PIK3R1: variants seen among roughly 807,000 people sequenced by gnomAD.
PIK3R1 encodes phosphatidylinositol 3-kinase regulatory subunit alpha.
A neutral mutation model predicts 98.0 loss-of-function variants in PIK3R1; 29 were observed. That is an observed-to-expected ratio of 0.30 (90% CI 0.22 to 0.40). The LOEUF is 0.40. Among genes scored for constraint, PIK3R1 ranks in the 10% least tolerant of loss-of-function variants. The pLI is 1.00. For missense variants in PIK3R1, 596 were observed against 872.7 expected, an observed-to-expected ratio of 0.68 and a Z score of 3.99; for synonymous variants, 282 against 311.8, an observed-to-expected ratio of 0.90 and a Z score of 1.01.
chr5:68,273,168 A>G (rs964323156), intron 2 of PIK3R1, among the ~76,000 whole-genome samples: 6 of 152,190 alleles, frequency 3.9e-5, no homozygotes, highest in Non-Finnish European at 8.8e-5. Flanking sequence ...GGGAAAGGCC[A>G]TAAGAGGCCA....
intron 2 of PIK3R1, among the ~76,000 whole-genome samples, chr5:68,252,118 G>A (rs905574080): frequency 1.3e-5 from 2 of 152,160 alleles, no homozygotes; most frequent in Admixed American, 6.5e-5. Flanking sequence ...GATGAAAAAG[G>A]TTGGCCCCTT....
chr5:68,252,008 ACTTGCTGTCTTAAGAC>A (rs1355301143), intron 2 of PIK3R1, among the ~76,000 whole-genome samples: 2 of 152,138 alleles, frequency 1.3e-5, no homozygotes, highest in African/African-American at 4.8e-5. Flanking sequence ...AGAATTCACT[ACTTGCTGTCTTAAGAC>A]CTTTCTGTCT....
At position 68,294,472 on chromosome 5, in the gene PIK3R1, TGTCTTGCA is replaced by T. The variant is rs1747575542; in HGVS notation, c.1426-61_1426-54del. On this transcript the variant is annotated intron_variant, in intron 11 of 15. Transcript: ENST00000521381. ...TAATACAGATCAAATGTCCTGGTAG[TGTCTTGCA>T]GTAAGAGATTGTTCTATGAAAGGTA... The T allele has an allele frequency of 9.9e-6, 12 of 1,213,842 alleles. No individual in the cohort carries two copies. In the South Asian group the frequency reaches 1.8e-4, roughly 18 times the overall value. The allele number at this position is 1,213,842 out of a possible 1,614,324, so 75.2% of individuals were successfully genotyped here. A position where few individuals can be genotyped will look rare whatever the true frequency, so the allele number is the denominator to read the frequency against.
intron 2 of PIK3R1, among the ~76,000 whole-genome samples, chr5:68,242,877 C>T (rs1041228575): frequency 2.6e-5 from 4 of 152,086 alleles, no homozygotes; most frequent in Non-Finnish European, 2.9e-5. Flanking sequence ...TGGATCTAAG[C>T]GGGAATAAAA....
chr5:68,253,722 A>C (rs890686671), intron 2 of PIK3R1, among the ~76,000 whole-genome samples: 3 of 152,222 alleles, frequency 2.0e-5, no homozygotes, highest in Non-Finnish European at 2.9e-5. Context: ...GCAAGTATCT[A>C]CTATGAGCTT....
intron 2 of PIK3R1, among the ~76,000 whole-genome samples, chr5:68,248,643 A>G (rs1745191621): frequency 6.6e-6 from 1 of 152,192 alleles, no homozygotes; most frequent in Non-Finnish European, 1.5e-5. Context: ...TGTTGGCATG[A>G]CATGTTTGGT....
intron 7 of PIK3R1, among the ~76,000 whole-genome samples, chr5:68,282,678 C>G (rs1048723811): frequency 2.6e-5 from 4 of 152,122 alleles, no homozygotes; most frequent in Non-Finnish European, 5.9e-5. Context: ...ATAATGCCAC[C>G]CGGAAAGCTG....
chr5:68,249,382 T>C (rs1440204138), intron 2 of PIK3R1, among the ~76,000 whole-genome samples: 1 of 152,218 alleles, frequency 6.6e-6, no homozygotes, highest in Non-Finnish European at 1.5e-5. Context: ...TTCTATATCA[T>C]GGTATCTCTT....
chr5:68,218,681 G>T (rs7701498), intron 1 of PIK3R1, among the ~76,000 whole-genome samples: 1 of 151,976 alleles, frequency 6.6e-6, no homozygotes, highest in Non-Finnish European at 1.5e-5. Context: ...ATTCTCTCAC[G>T]TCAAGGCATA....
intron 8 of PIK3R1, chr5:68,292,598 G>A (rs574191479): frequency 6.8e-7 from 1 of 1,465,176 alleles, no homozygotes; most frequent in Admixed American, 2.1e-5. Context: ...TGAAGTGCCA[G>A]AGTGAAGTGG....
chr5:68,271,011 G>A (rs185735394), intron 2 of PIK3R1, among the ~76,000 whole-genome samples: 15 of 152,296 alleles, frequency 9.8e-5, no homozygotes, highest in African/African-American at 3.6e-4. Context: ...TTAACATACA[G>A]GGATTTGAGA....
At chr5:68,245,414 A>G (rs1211312441) in intron 2 of PIK3R1, among the ~76,000 whole-genome samples, 1 of 152,158 alleles carries the variant, frequency 6.6e-6, no homozygotes, top group African/African-American at 2.4e-5. Flanking sequence ...GATGTTATAG[A>G]ATCACCAATG....
At chr5:68,296,034 C>T in intron 14 of PIK3R1, 137 bp from the exon 15 acceptor site, 2 of 738,368 alleles carry the variant, frequency 2.7e-6, no homozygotes, top group East Asian at 2.7e-5. Flanking sequence ...CGGGCAGAGG[C>T]AGGCATGTGA....
intron 2 of PIK3R1, among the ~76,000 whole-genome samples, chr5:68,249,777 G>A (rs552875118): frequency 2.9e-4 from 44 of 152,190 alleles, no homozygotes; most frequent in Non-Finnish European, 5.3e-4. Context: ...TGGGGTGGGG[G>A]GCGTTAACAT....
intron 2 of PIK3R1, among the ~76,000 whole-genome samples, chr5:68,265,926 C>G (rs547105193): frequency 1.3e-5 from 2 of 152,310 alleles, no homozygotes; most frequent in East Asian, 3.9e-4. Context: ...TAAAAGGAAT[C>G]TGGTGCTGCT....
At chr5:68,255,924 G>A (rs539593477) in intron 2 of PIK3R1, among the ~76,000 whole-genome samples, 6 of 152,220 alleles carry the variant, frequency 3.9e-5, no homozygotes, top group Non-Finnish European at 8.8e-5. Flanking sequence ...GGGCCTTGCA[G>A]GCTTGGTAAC....
At chr5:68,221,533 A>C (rs1188486752) in intron 1 of PIK3R1, among the ~76,000 whole-genome samples, 1 of 152,238 alleles carries the variant, frequency 6.6e-6, no homozygotes, top group African/African-American at 2.4e-5. Context: ...GGGAGATAGA[A>C]TCACATGACT....
At chr5:68,255,667 G>T (rs921852259) in intron 2 of PIK3R1, among the ~76,000 whole-genome samples, 1 of 152,164 alleles carries the variant, frequency 6.6e-6, no homozygotes, top group Non-Finnish European at 1.5e-5. Flanking sequence ...TAACTTGGAA[G>T]GAAATCAGAT....
rs548973527 is a variant in PIK3R1 at position 68,280,224 on chromosome 5, T to G, written c.635-304T>G. Reference sequence around the variant, plus strand: ...ACCTGTGATACTTATCTGATGCTCCTCTGAGTTAGCCAATCACACTTGAAG... The same window carrying G: ...ACCTGTGATACTTATCTGATGCTCCGCTGAGTTAGCCAATCACACTTGAAG... On this transcript the variant is annotated intron_variant, in intron 5 of 15. Coordinates refer to ENST00000521381, the MANE Select transcript of PIK3R1 (RefSeq NM_181523.3). 23 of 423,264 alleles carry G rather than the reference T, an allele frequency of 5.4e-5. No individual in the cohort carries two copies. In the South Asian group the frequency reaches 9.1e-4, roughly 17 times the overall value. 26.2% of individuals were successfully genotyped at this position (423,264 alleles called of 1,614,324 possible). A position where few individuals can be genotyped will look rare whatever the true frequency, so the allele number is the denominator to read the frequency against.
Sources: gnomAD v4.1 joint callset for allele counts (sites outside exome capture counted in the v4.1 genomes callset) on GRCh38, gnomAD v4.1.1 for gene constraint, MANE v1.5 for transcripts, NCBI Gene and HGNC (gene_info 2026-07-23, HGNC 2026-07-21) for gene names.